Variants in CRYL1 observed in about 807,000 individuals in gnomAD.
CRYL1 encodes the protein lambda-crystallin homolog.
In CRYL1, 29 loss-of-function variants were observed where a neutral mutation model predicts 36.6. That is an observed-to-expected ratio of 0.79 (90% CI 0.59 to 1.08). The LOEUF (loss-of-function observed/expected upper bound fraction) is 1.08. Among genes scored for constraint, CRYL1 ranks in the 50% least tolerant of loss-of-function variants. CRYL1 has a pLI of 0.00. For missense variants in CRYL1, 411 were observed against 407.9 expected (o/e 1.01, Z -0.06); for synonymous variants, 152 against 151.5 (o/e 1.00, Z -0.02).
At chr13:20,410,221 T>C (rs923217176) in intron 6 of CRYL1, among the ~76,000 whole-genome samples, 2 of 146,838 alleles carry the variant, frequency 1.4e-5, no homozygotes, top group African/African-American at 5.0e-5. Flanking sequence ...GATGAGTTCA[T>C]GTCCTCTGTA....
At chr13:20,408,713 A>G (rs1160406290) in intron 6 of CRYL1, among the ~76,000 whole-genome samples, 2 of 152,164 alleles carry the variant, frequency 1.3e-5, no homozygotes, top group Non-Finnish European at 2.9e-5. Flanking sequence ...CAACAGACAA[A>G]CAGAGAGCCA....
chr13:20,500,341 T>G (rs9578292), intron 2 of CRYL1, among the ~76,000 whole-genome samples: 56,563 of 152,032 alleles, frequency 0.37, 10,904 homozygotes, highest in East Asian at 0.47. Flanking sequence ...AAACTATTTG[T>G]GAGTATTCTT....
intron 5 of CRYL1, among the ~76,000 whole-genome samples, chr13:20,413,737 A>C (rs991275949): frequency 8.5e-5 from 13 of 152,212 alleles, no homozygotes; most frequent in Non-Finnish European, 1.8e-4. Context: ...ACCATCAGAA[A>C]AGCAAAGGTA....
chr13:20,447,267 A>G (rs556194598), intron 3 of CRYL1, among the ~76,000 whole-genome samples: 2 of 152,372 alleles, frequency 1.3e-5, no homozygotes, highest in South Asian at 4.1e-4. Flanking sequence ...TTCATTCAAT[A>G]TATGATACAA....
In CRYL1 at chr13:20,403,977, C is replaced by T. The variant is rs1004480200; in HGVS notation, c.*152G>A. The stretch of plus-strand genomic sequence containing the variant: ...TGATCCAAAGTGACGGGCAGACTAC[C>T]GGCCTGCACCACCCCACTCAGGCTG... On this transcript the variant is annotated 3_prime_UTR_variant, in exon 8 of 8. Transcript: ENST00000298248. 25 of 580,608 alleles carry T rather than the reference C, an allele frequency of 4.3e-5. No homozygotes were observed. The highest frequency in any genetic ancestry group is 6.4e-5 in the Non-Finnish European group (21 of 327,270). The allele number at this position is 580,608 out of a possible 1,614,324, so 36.0% of individuals were successfully genotyped here. A position where few individuals can be genotyped will look rare whatever the true frequency, so the allele number is the denominator to read the frequency against.
chr13:20,439,407 C>T (rs2032301480), intron 4 of CRYL1, among the ~76,000 whole-genome samples, 186 bp downstream of exon 4: 1 of 150,816 alleles, frequency 6.6e-6, no homozygotes, highest in Admixed American at 6.6e-5. Flanking sequence ...ATAAGAACCA[C>T]TGAACTGCAC....
intron 3 of CRYL1, among the ~76,000 whole-genome samples, chr13:20,469,031 C>T (rs1415932416): frequency 6.6e-6 from 1 of 152,216 alleles, no homozygotes; most frequent in Non-Finnish European, 1.5e-5. Context: ...CTCCCCTGGA[C>T]GGCATCCCTG....
intron 4 of CRYL1, among the ~76,000 whole-genome samples, chr13:20,434,388 G>C (rs1005536975): frequency 6.6e-6 from 1 of 151,974 alleles, no homozygotes; most frequent in African/African-American, 2.4e-5. Context: ...ATCAATCGGG[G>C]CTCTGTAAAA....
chr13:20,467,826 G>A (rs543975574), intron 3 of CRYL1, among the ~76,000 whole-genome samples: 6 of 152,264 alleles, frequency 3.9e-5, no homozygotes, highest in Non-Finnish European at 7.4e-5. Flanking sequence ...TGCAACGCCC[G>A]GTGCCTCAGA....
At chr13:20,446,447 A>C (rs1298833307) in intron 3 of CRYL1, among the ~76,000 whole-genome samples, 1 of 152,206 alleles carries the variant, frequency 6.6e-6, no homozygotes, top group Non-Finnish European at 1.5e-5. Context: ...AATGACATAC[A>C]TAGCTGGGTA....
At chr13:20,421,831 AC>A (rs2031825994) in intron 5 of CRYL1, among the ~76,000 whole-genome samples, 2 of 151,994 alleles carry the variant, frequency 1.3e-5, no homozygotes, top group Admixed American at 6.6e-5. Flanking sequence ...TAGAATACTA[AC>A]ATAGAAGCTT....
intron 4 of CRYL1, among the ~76,000 whole-genome samples, chr13:20,433,078 A>C (rs1428467721): frequency 6.6e-6 from 1 of 152,036 alleles, no homozygotes; most frequent in Non-Finnish European, 1.5e-5. Flanking sequence ...TCCATATTGT[A>C]CCTTAAGTGT....
At chr13:20,508,908 G>C (rs377710026) in intron 2 of CRYL1, among the ~76,000 whole-genome samples, 1 of 140,524 alleles carries the variant, frequency 7.1e-6, no homozygotes, top group Non-Finnish European at 1.5e-5. Context: ...ACAACATTTT[G>C]GGCCAGGCTC....
intron 3 of CRYL1, among the ~76,000 whole-genome samples, chr13:20,454,315 T>A (rs549603572): frequency 6.6e-6 from 1 of 151,810 alleles, no homozygotes; most frequent in Admixed American, 6.6e-5. Context: ...AATCAATCAA[T>A]GTCATTCATG....
intron 1 of CRYL1, among the ~76,000 whole-genome samples, chr13:20,522,781 T>C (rs534829425): frequency 9.9e-5 from 15 of 152,258 alleles, no homozygotes; most frequent in Non-Finnish European, 1.5e-4. Flanking sequence ...AATCTTGCAG[T>C]GTGTATACAA....
chr13:20,430,229 C>T, intron 5 of CRYL1: 2 of 984,578 alleles, frequency 2.0e-6, no homozygotes, highest in South Asian at 9.4e-5. Context: ...CAAGGTAATT[C>T]TTTGGGTTTT....
chr13:20,434,003 G>A (rs2032140315), intron 4 of CRYL1, among the ~76,000 whole-genome samples: 1 of 152,080 alleles, frequency 6.6e-6, no homozygotes, highest in Non-Finnish European at 1.5e-5. Flanking sequence ...CCTCACCCTG[G>A]CCCACATCTG....
intron 3 of CRYL1, among the ~76,000 whole-genome samples, chr13:20,450,297 C>T (rs569713116): frequency 6.6e-5 from 10 of 152,248 alleles, no homozygotes; most frequent in East Asian, 1.9e-4. Flanking sequence ...ATCCCTACAA[C>T]GATTGGATCA....
intron 3 of CRYL1, among the ~76,000 whole-genome samples, chr13:20,473,762 A>G (rs1003536055): frequency 5.3e-5 from 8 of 152,178 alleles, no homozygotes; most frequent in African/African-American, 1.7e-4. Flanking sequence ...AAAAGCAAAA[A>G]CAGTTCACTT....
Sources: gnomAD v4.1 joint callset for allele counts (sites outside exome capture counted in the v4.1 genomes callset) on GRCh38, gnomAD v4.1.1 for gene constraint, MANE v1.5 for transcripts, NCBI Gene and HGNC (gene_info 2026-07-23, HGNC 2026-07-21) for gene names.